The following FKBP9 variants were observed in gnomAD, a reference collection of about 807,000 sequenced individuals.
FKBP9 encodes the protein FKBP prolyl isomerase 9, also known as peptidyl-prolyl cis-trans isomerase FKBP9.
A neutral mutation model predicts 55.6 loss-of-function variants in FKBP9; 27 were observed. That is an observed-to-expected ratio of 0.49 (90% confidence interval 0.36 to 0.67). The LOEUF (loss-of-function observed/expected upper bound fraction) is 0.67. Among genes scored for constraint, FKBP9 ranks in the 30% least tolerant of loss-of-function variants. The probability of loss-of-function intolerance (pLI) is 0.00; values close to 1 mark genes in which losing one functional copy is unlikely to be tolerated. For missense variants in FKBP9, 539 were observed against 742.8 expected, an observed-to-expected ratio of 0.73 and a Z score of 3.19; for synonymous variants, 267 against 296.5, an observed-to-expected ratio of 0.90 and a Z score of 1.02.
intron 5 of FKBP9, among the ~76,000 whole-genome samples, chr7:32,987,138 G>A (rs1461766727): frequency 1.3e-5 from 2 of 151,990 alleles, no homozygotes; most frequent in Non-Finnish European, 2.9e-5. Flanking sequence ...GCCTTTTGTC[G>A]GGCTGTGGTG....
At chr7:32,965,082 G>T (rs1356290023) in intron 1 of FKBP9, among the ~76,000 whole-genome samples, 7 of 152,218 alleles carry the variant, frequency 4.6e-5, no homozygotes, top group Non-Finnish European at 8.8e-5. Context: ...CAGTGGACTT[G>T]TTCTTCCTTA....
intron 4 of FKBP9, among the ~76,000 whole-genome samples, chr7:32,976,880 C>A (rs565145036): frequency 2.6e-5 from 4 of 152,304 alleles, no homozygotes; most frequent in African/African-American, 9.6e-5. Flanking sequence ...TAAGTAACCC[C>A]CTCTGCCCCT....
intron 1 of FKBP9, 145 bp from the exon 2 acceptor site, chr7:32,974,472 G>A: frequency 1.6e-6 from 1 of 622,280 alleles, no homozygotes; most frequent in Non-Finnish European, 2.9e-6. Context: ...CAGTGGAGAT[G>A]TTCCTGTATC....
chr7:32,961,374 A>C (rs2127975463), intron 1 of FKBP9, among the ~76,000 whole-genome samples: 1 of 152,326 alleles, frequency 6.6e-6, no homozygotes, highest in East Asian at 1.9e-4. Flanking sequence ...TGAATCACGT[A>C]GAGAGCTTGT....
At chr7:32,978,403 C>T (rs1784406403) in intron 4 of FKBP9, among the ~76,000 whole-genome samples, 1 of 152,128 alleles carries the variant, frequency 6.6e-6, no homozygotes, top group Non-Finnish European at 1.5e-5. Context: ...GGGTCTCACT[C>T]TGTCACCCAG....
intron 1 of FKBP9, among the ~76,000 whole-genome samples, chr7:32,965,492 A>G (rs1377994584): frequency 1.3e-5 from 2 of 151,850 alleles, no homozygotes; most frequent in Admixed American, 6.6e-5. Context: ...TAGAAGCCCC[A>G]TTCTGCCTTA....
At chr7:32,965,901 A>C (rs1251659226) in intron 1 of FKBP9, among the ~76,000 whole-genome samples, 4 of 130,194 alleles carry the variant, frequency 3.1e-5, no homozygotes, top group African/African-American at 5.9e-5. Flanking sequence ...AGAGAGAGAG[A>C]GCCATGGGGG....
intron 5 of FKBP9, among the ~76,000 whole-genome samples, chr7:32,988,099 G>C (rs2127985609): frequency 6.6e-6 from 1 of 152,270 alleles, no homozygotes; most frequent in South Asian, 2.1e-4. Context: ...AGGATTGCTT[G>C]AGCCTGGGAG....
At chr7:32,972,597 C>T (rs968058124) in intron 1 of FKBP9, among the ~76,000 whole-genome samples, 3 of 152,140 alleles carry the variant, frequency 2.0e-5, no homozygotes, top group Non-Finnish European at 2.9e-5. Flanking sequence ...CAAATTCAGT[C>T]ACCTGAAGTC....
Position 32,957,703 on chromosome 7 carries a change from C to A in FKBP9, c.130C>A (p.Pro44Thr). The change falls in exon 1 of 10, where the codon CCC becomes ACC. Residue 44 changes from proline to threonine, a missense_variant. Pro to Thr is a conservative substitution (Grantham distance 38, BLOSUM62 -1). Around this residue, in one of 4 missense-constraint regions of FKBP9, gnomAD observed 236 missense variants for 271.5 expected, o/e 0.87. Transcript: ENST00000242209. ...GCTGCAGATCGAGCGGCGCTTCGTG[C>A]CCGACGAGTGCCCGCGCACCGTGCG... ...AELQIERRFV[P>T]DECPRTVRSG... 1 of 1,541,442 alleles carries A rather than the reference C, an allele frequency of 6.5e-7. No homozygotes were observed.
At chr7:32,958,502 A>G (rs947722637) in intron 1 of FKBP9, among the ~76,000 whole-genome samples, 5 of 152,202 alleles carry the variant, frequency 3.3e-5, no homozygotes, top group African/African-American at 1.2e-4. Context: ...GCCATACAAA[A>G]ACCTCTCTTG....
chr7:32,965,812 A>AAATATATAG (rs1554284289), intron 1 of FKBP9, among the ~76,000 whole-genome samples: 1 of 34,936 alleles, frequency 2.9e-5, no homozygotes, highest in Non-Finnish European at 5.0e-5. Flanking sequence ...AAAAAAAAAA[A>AAATATATAG]ATATATATAT....
At chr7:32,963,665 C>G (rs1294371888) in intron 1 of FKBP9, 2 of 1,454,636 alleles carry the variant, frequency 1.4e-6, no homozygotes, top group Non-Finnish European at 1.8e-6. Flanking sequence ...TTGGAAGGAT[C>G]TCCAATTCCT....
intron 5 of FKBP9, among the ~76,000 whole-genome samples, chr7:32,984,463 G>A (rs748185821): frequency 1.3e-5 from 2 of 152,016 alleles, no homozygotes; most frequent in Admixed American, 6.6e-5. Context: ...TCACCATTTC[G>A]GCCTGGTTGG....
At chr7:32,958,426 T>G (rs552837131) in intron 1 of FKBP9, among the ~76,000 whole-genome samples, 1 of 152,360 alleles carries the variant, frequency 6.6e-6, no homozygotes, top group South Asian at 2.1e-4. Context: ...GTTTAAACAA[T>G]GGAGTCAGAT....
intron 1 of FKBP9, 81 bp from the exon 2 acceptor site, chr7:32,974,536 C>T (rs145492539): frequency 0.015 from 18,268 of 1,246,446 alleles, 155 homozygotes; most frequent in East Asian, 0.035. Flanking sequence ...CATCTGTGGG[C>T]ACATTTTTAC....
At chr7:32,987,136 T>C (rs2127985349) in intron 5 of FKBP9, among the ~76,000 whole-genome samples, 1 of 152,172 alleles carries the variant, frequency 6.6e-6, no homozygotes, top group Admixed American at 6.5e-5. Flanking sequence ...GGGCCTTTTG[T>C]CGGGCTGTGG....
At chr7:32,976,108 G>A (rs1276551837) in intron 3 of FKBP9, among the ~76,000 whole-genome samples, 5 of 152,208 alleles carry the variant, frequency 3.3e-5, no homozygotes, top group Non-Finnish European at 7.3e-5. Flanking sequence ...TCATTAGAGC[G>A]TGTTTGATTA....
At chr7:32,986,896 G>A (rs1341557652) in intron 5 of FKBP9, among the ~76,000 whole-genome samples, 3 of 152,214 alleles carry the variant, frequency 2.0e-5, no homozygotes, top group Non-Finnish European at 2.9e-5. Flanking sequence ...AGGTCACGTG[G>A]TCCAGTTTGA....
Sources: allele counts gnomAD v4.1 joint callset (sites outside exome capture counted in the v4.1 genomes callset), GRCh38; gene constraint gnomAD v4.1.1; regional missense constraint gnomAD v4.1.1; transcripts MANE v1.5; gene names NCBI Gene and HGNC (gene_info 2026-07-23, HGNC 2026-07-21).